Variants in CCDC141 observed in about 807,000 individuals in gnomAD.
The protein encoded by CCDC141 is coiled-coil domain-containing protein 141.
In CCDC141, 168 loss-of-function variants were observed where a neutral mutation model predicts 181.0. That is an observed-to-expected ratio of 0.93 (90% CI 0.82 to 1.05). The LOEUF (loss-of-function observed/expected upper bound fraction) is 1.05. CCDC141 is among the 50% of genes least tolerant of loss of function. The pLI is 0.00. For missense variants in CCDC141, 1,902 were observed against 1,788.5 expected (o/e 1.06, Z -1.14); for synonymous variants, 666 against 642.3 (o/e 1.04, Z -0.56).
Position 178,944,590 on chromosome 2 carries a change from A to C in CCDC141, c.842T>G (p.Leu281Arg), listed in dbSNP as rs1351499700. The C allele has an allele frequency of 3.2e-6, 5 of 1,541,636 alleles. No homozygotes were observed. The highest frequency in any genetic ancestry group is 1.7e-4 in the Middle Eastern group (1 of 5,942). The change falls in exon 6 of 24, where the codon CTT (leucine) becomes CGT (arginine). Residue 281 changes from leucine (L) to arginine (R), a missense_variant. By Grantham distance (102) the Leu-to-Arg change is moderately radical. Coordinates refer to ENST00000443758, the MANE Select transcript of CCDC141 (RefSeq NM_173648.4). ...ATGAATTCGATCCTCATTGTCTGAA[A>C]GTGATGAACCTAGACTTTGTTCCTG... is the stretch of plus-strand genomic sequence containing the variant. ...NLQEQSLGSSLSDNEDRIHKQ... is the reference protein window; with the variant it reads ...NLQEQSLGSSRSDNEDRIHKQ...
chr2:179,040,237 TA>T (rs2043258887), intron 2 of CCDC141, among the ~76,000 whole-genome samples: 1 of 152,120 alleles, frequency 6.6e-6, no homozygotes, highest in Non-Finnish European at 1.5e-5. Flanking sequence ...ATTTTAAAGA[TA>T]AAAAGCCTAA....
chr2:178,928,896 A>G (rs1036069038), intron 6 of CCDC141, among the ~76,000 whole-genome samples: 2 of 152,202 alleles, frequency 1.3e-5, no homozygotes, highest in African/African-American at 4.8e-5. Context: ...GACATTCCCA[A>G]TGCTTGCTGG....
At chr2:178,902,290 A>T (rs187043379) in intron 8 of CCDC141, among the ~76,000 whole-genome samples, 1,856 of 152,328 alleles carry the variant, frequency 0.012, 42 homozygotes, top group African/African-American at 0.042. Context: ...AAGAGCCTGC[A>T]TCGCCAAGTC....
intron 2 of CCDC141, among the ~76,000 whole-genome samples, chr2:178,979,773 C>A (rs528437006): frequency 4.6e-5 from 7 of 152,276 alleles, no homozygotes; most frequent in Non-Finnish European, 8.8e-5. Context: ...CACTCATGAA[C>A]CTTTGTATCT....
chr2:178,974,938 A>C, intron 4 of CCDC141, 119 bp downstream of exon 4: 2 of 484,698 alleles, frequency 4.1e-6, no homozygotes, highest in Non-Finnish European at 7.2e-6. Flanking sequence ...TTTTCTTGGA[A>C]CAAGCTGAGG....
At position 179,023,602 on chromosome 2, in the gene CCDC141, T is replaced by G. The variant is rs181648110; in HGVS notation, c.225+23682A>C. ...GTTATGTTTATACATATATCACAACTTGGGCTCTAAATTTCTTACAACTAA... is the reference window on the plus strand; with the variant it reads ...GTTATGTTTATACATATATCACAACGTGGGCTCTAAATTTCTTACAACTAA... On this transcript the variant is annotated intron_variant, in intron 2 of 23. Coordinates refer to ENST00000443758, the MANE Select transcript of CCDC141 (RefSeq NM_173648.4). Among the ~76,000 whole-genome samples, 9 of 152,360 alleles carry G rather than the reference T, an allele frequency of 5.9e-5. No individual in the cohort carries two copies. In the East Asian group the frequency reaches 1.7e-3, roughly 29 times the overall value.
chr2:179,015,209 A>ATATC (rs1553502829), intron 2 of CCDC141, among the ~76,000 whole-genome samples: 1 of 126,228 alleles, frequency 7.9e-6, no homozygotes, highest in Non-Finnish European at 1.6e-5. Flanking sequence ...TATCATATAT[A>ATATC]TCATATATCT....
At chr2:178,848,666 A>G (rs1454531898) in intron 21 of CCDC141, among the ~76,000 whole-genome samples, 1 of 152,200 alleles carries the variant, frequency 6.6e-6, no homozygotes, top group Non-Finnish European at 1.5e-5. Context: ...GAAGATGTGC[A>G]ACGTAAACGG....
chr2:179,028,412 A>C (rs1429713129), intron 2 of CCDC141, among the ~76,000 whole-genome samples: 1 of 152,218 alleles, frequency 6.6e-6, no homozygotes, highest in African/African-American at 2.4e-5. Flanking sequence ...GTGGAACAAC[A>C]GTTTACCCTT....
chr2:178,898,060 G>A (rs1404381399), intron 8 of CCDC141, among the ~76,000 whole-genome samples: 1 of 152,190 alleles, frequency 6.6e-6, no homozygotes, highest in Non-Finnish European at 1.5e-5. Context: ...AGTATGGTTT[G>A]TGCTCACCAA....
intron 7 of CCDC141, among the ~76,000 whole-genome samples, chr2:178,914,643 T>C (rs1688363359): frequency 2.0e-5 from 3 of 152,218 alleles, no homozygotes; most frequent in Admixed American, 2.0e-4. Context: ...AATTAAGTGA[T>C]AATTATATTT....
intron 21 of CCDC141, among the ~76,000 whole-genome samples, chr2:178,848,209 T>C (rs1685020655): frequency 1.3e-5 from 2 of 152,058 alleles, no homozygotes; most frequent in Non-Finnish European, 2.9e-5. Context: ...GTCCTTGAAG[T>C]AAAGGTTTAG....
At chr2:179,029,921 T>C (rs2042955424) in intron 2 of CCDC141, among the ~76,000 whole-genome samples, 1 of 152,150 alleles carries the variant, frequency 6.6e-6, no homozygotes, top group Admixed American at 6.5e-5. Context: ...TGATTAATTA[T>C]CCAATACTTT....
At chr2:178,986,889 T>C (rs896514886) in intron 2 of CCDC141, among the ~76,000 whole-genome samples, 3 of 151,818 alleles carry the variant, frequency 2.0e-5, no homozygotes, top group Admixed American at 6.6e-5. Context: ...ATGGCCATAC[T>C]GCCCAAGGTA....
At chr2:178,970,251 C>T (rs1028424433) in intron 4 of CCDC141, among the ~76,000 whole-genome samples, 2 of 152,180 alleles carry the variant, frequency 1.3e-5, no homozygotes. Flanking sequence ...TGACTTTCTT[C>T]ACAGAATTGG....
intron 6 of CCDC141, among the ~76,000 whole-genome samples, chr2:178,932,696 C>G (rs896112244): frequency 6.6e-6 from 1 of 152,182 alleles, no homozygotes; most frequent in East Asian, 1.9e-4. Context: ...TTTCCATATA[C>G]ACCCACATAC....
rs572317904 is a variant in CCDC141, at chr2:178,944,648, T to C, written c.784A>G (p.Thr262Ala). 3 of 1,432,378 alleles carry C rather than the reference T, an allele frequency of 2.1e-6. No individual in the cohort carries two copies. Among genetic ancestry groups the C allele is most frequent in the Non-Finnish European group, 2.8e-6 (3 of 1,055,778 alleles). 88.7% of individuals were successfully genotyped at this position (1,432,378 alleles called of 1,614,324 possible). A position where few individuals can be genotyped will look rare whatever the true frequency, so the allele number is the denominator to read the frequency against. Residue 262 changes from threonine to alanine, a missense_variant, in exon 6 of 24, where the codon ACT becomes GCT. Transcript: ENST00000443758. ...CTTATAGTTTTCTGAAACCAACAAG[T>C]AACCTAGGTAAAAGGCAACAAAGAA... is the stretch of plus-strand genomic sequence containing the variant. ...CQWDQQENQV[T>A]CWFQKTIRNL...
chr2:178,965,307 A>G (rs775371641), intron 4 of CCDC141, among the ~76,000 whole-genome samples: 1 of 152,212 alleles, frequency 6.6e-6, no homozygotes, highest in Non-Finnish European at 1.5e-5. Context: ...TAGGTTTAAG[A>G]TACAAAAAAC....
chr2:179,016,523 T>C (rs546786033), intron 2 of CCDC141, among the ~76,000 whole-genome samples: 4 of 152,162 alleles, frequency 2.6e-5, no homozygotes, highest in African/African-American at 9.6e-5. Flanking sequence ...CTAAGAATGG[T>C]CCATCTTCAC....
Sources: allele counts gnomAD v4.1 joint callset (sites outside exome capture counted in the v4.1 genomes callset), GRCh38; gene constraint gnomAD v4.1.1; transcripts MANE v1.5; gene names NCBI Gene and HGNC (gene_info 2026-07-23, HGNC 2026-07-21).